The following AIG1 variants were observed in gnomAD, a reference collection of about 807,000 sequenced individuals.
The protein encoded by AIG1 is androgen induced 1.
In AIG1, 23 loss-of-function variants were observed where a neutral mutation model predicts 31.4. The observed-to-expected ratio is 0.73, with a 90% CI of 0.53 to 1.04. AIG1 has a LOEUF of 1.04. Ranked by LOEUF, AIG1 falls within the 50% of genes least tolerant of loss-of-function variation. The pLI, the probability that AIG1 is intolerant of heterozygous loss-of-function variation, is 0.00. For missense variants in AIG1, 274 were observed against 295.0 expected, an observed-to-expected ratio of 0.93 and a Z score of 0.52; for synonymous variants, 100 against 110.5, an observed-to-expected ratio of 0.90 and a Z score of 0.60.
At chr6:143,091,208 C>T (rs770314976) in intron 1 of AIG1, among the ~76,000 whole-genome samples, 1 of 152,192 alleles carries the variant, frequency 6.6e-6, no homozygotes, top group Non-Finnish European at 1.5e-5. Flanking sequence ...TTAACTTTCT[C>T]CTCTGATGTC....
intron 1 of AIG1, among the ~76,000 whole-genome samples, chr6:143,127,414 C>T (rs576827024): frequency 6.6e-5 from 10 of 152,282 alleles, no homozygotes; most frequent in African/African-American, 2.2e-4. Context: ...CAAGACAAAT[C>T]TATGGTGTTC....
intron 4 of AIG1, among the ~76,000 whole-genome samples, chr6:143,311,164 C>T (rs1207778339): frequency 2.0e-5 from 3 of 151,798 alleles, no homozygotes; most frequent in Non-Finnish European, 3.0e-5. Context: ...CTTACAGACA[C>T]GTATCTCTCA....
chr6:143,230,032 A>C (rs959555854), intron 3 of AIG1, among the ~76,000 whole-genome samples: 4 of 152,160 alleles, frequency 2.6e-5, no homozygotes, highest in Non-Finnish European at 4.4e-5. Flanking sequence ...CTAATATCTC[A>C]TCTTCTTTCC....
At chr6:143,199,363 A>T (rs1360099733) in intron 3 of AIG1, among the ~76,000 whole-genome samples, 2 of 151,944 alleles carry the variant, frequency 1.3e-5, no homozygotes, top group African/African-American at 2.4e-5. Flanking sequence ...CAAGCAAAAG[A>T]TGGGGGGGTG....
At chr6:143,310,253 T>A (rs1214282762) in intron 4 of AIG1, among the ~76,000 whole-genome samples, 1 of 151,874 alleles carries the variant, frequency 6.6e-6, no homozygotes, top group Non-Finnish European at 1.5e-5. Flanking sequence ...CAATAAAACA[T>A]ATCTTAACAG....
At chr6:143,077,420 A>G (rs907874058) in intron 1 of AIG1, among the ~76,000 whole-genome samples, 8 of 152,170 alleles carry the variant, frequency 5.3e-5, no homozygotes, top group Non-Finnish European at 1.2e-4. Context: ...TTCATTGAGT[A>G]TGCTTTGTTT....
At chr6:143,158,915 T>C (rs1262317063) in intron 2 of AIG1, among the ~76,000 whole-genome samples, 1 of 152,234 alleles carries the variant, frequency 6.6e-6, no homozygotes, top group African/African-American at 2.4e-5. Context: ...TGCCAGGCAG[T>C]GGGGAACCAG....
chr6:143,170,309 T>C (rs1372307195), intron 3 of AIG1, among the ~76,000 whole-genome samples: 1 of 152,132 alleles, frequency 6.6e-6, no homozygotes, highest in Non-Finnish European at 1.5e-5. Context: ...CCTGGCTCAA[T>C]GTTGATAGGT....
At chr6:143,310,289 A>C (rs1169842300) in intron 4 of AIG1, among the ~76,000 whole-genome samples, 1 of 152,092 alleles carries the variant, frequency 6.6e-6, no homozygotes, top group South Asian at 2.1e-4. Context: ...AATCATACCA[A>C]GTATGTTCAC....
intron 3 of AIG1, among the ~76,000 whole-genome samples, chr6:143,246,506 G>A (rs1196252970): frequency 6.6e-6 from 1 of 152,120 alleles, no homozygotes; most frequent in Non-Finnish European, 1.5e-5. Context: ...ACCTCCCACT[G>A]GGTCCCTCCC....
chr6:143,152,314 A>G (rs1299743511), intron 2 of AIG1, among the ~76,000 whole-genome samples: 2 of 152,232 alleles, frequency 1.3e-5, no homozygotes, highest in Non-Finnish European at 2.9e-5. Flanking sequence ...CTGTGTACTT[A>G]TAGCTACCCT....
chr6:143,208,785 ACTTTC>A (rs904954082), intron 3 of AIG1, among the ~76,000 whole-genome samples: 14 of 152,232 alleles, frequency 9.2e-5, no homozygotes, highest in African/African-American at 3.4e-4. Context: ...TCTAAAATTC[ACTTTC>A]CTTATCTGGA....
At chr6:143,260,836 A>T (rs775893684) in intron 3 of AIG1, among the ~76,000 whole-genome samples, 25 of 152,158 alleles carry the variant, frequency 1.6e-4, no homozygotes, top group Admixed American at 1.6e-3. Context: ...TGGGCTTCCC[A>T]TCCCACAACT....
chr6:143,318,235 C>A lies in AIG1; in HGVS notation c.516-15047C>A, dbSNP rs550857331. On this transcript the variant is annotated intron_variant, in intron 4 of 5. Coordinates refer to ENST00000357847, the MANE Select transcript of AIG1 (RefSeq NM_016108.4). The stretch of plus-strand genomic sequence containing the variant: ...TCACATTACCAGACTTCAAACTATA[C>A]TGTAAGGCCATAGTCACCAAAACGG... Among the ~76,000 whole-genome samples the A allele has an allele frequency of 1.5e-4, 23 of 152,272 alleles. No homozygotes were observed. The East Asian group carries it at 4.4e-3, about 29-fold the overall frequency.
At chr6:143,227,837 C>T (rs1793126313) in intron 3 of AIG1, among the ~76,000 whole-genome samples, 1 of 152,144 alleles carries the variant, frequency 6.6e-6, no homozygotes, top group Non-Finnish European at 1.5e-5. Context: ...AAGGACCGAG[C>T]TGCAGGAAGA....
At chr6:143,267,983 AT>A (rs1324805697) in intron 3 of AIG1, among the ~76,000 whole-genome samples, 2 of 152,230 alleles carry the variant, frequency 1.3e-5, no homozygotes, top group Admixed American at 1.3e-4. Context: ...GCAGAGGCTG[AT>A]GAAAATGTCA....
In AIG1 at chr6:143,284,327, T is replaced by A. The variant is rs1797548295; in HGVS notation, c.515+102T>A. Reference sequence around the variant, plus strand: ...GATATAATCACTAACAGATTCACGCTGTGTGCCGCATTTGGTCCAAGACCT... The same window carrying A: ...GATATAATCACTAACAGATTCACGCAGTGTGCCGCATTTGGTCCAAGACCT... On this transcript the variant is annotated intron_variant, in intron 4 of 5. Coordinates refer to ENST00000357847, the MANE Select transcript of AIG1 (RefSeq NM_016108.4). This position sits in a 1 kb window ranked among gnomAD's most constrained non-coding sequence, Gnocchi z 4.4. 1 of 844,404 alleles carries A rather than the reference T, an allele frequency of 1.2e-6. No homozygotes were observed. The highest frequency in any genetic ancestry group is 2.3e-5 in the Admixed American group (1 of 44,392). The allele number at this position is 844,404 out of a possible 1,614,324, so 52.3% of individuals were successfully genotyped here. A position where few individuals can be genotyped will look rare whatever the true frequency, so the allele number is the denominator to read the frequency against.
rs550732786 is a variant in AIG1 at position 143,087,350 on chromosome 6, T to G, written c.141+26284T>G. Among the ~76,000 whole-genome samples the G allele has an allele frequency of 1.3e-5, 2 of 152,312 alleles. 1 individual carries two copies. The highest frequency in any genetic ancestry group is 4.1e-4 in the South Asian group (2 of 4,826). ...GAACCTTGGGCCATGTGGTGACTGT[T>G]GTAGCTCTATTAGAAGCTGTGGGTC... On this transcript the variant is annotated intron_variant, in intron 1 of 5. Coordinates refer to ENST00000357847, the MANE Select transcript of AIG1 (RefSeq NM_016108.4).
intron 1 of AIG1, among the ~76,000 whole-genome samples, chr6:143,122,634 G>T (rs1782335694): frequency 1.3e-5 from 2 of 151,972 alleles, no homozygotes; most frequent in East Asian, 3.9e-4. Flanking sequence ...CTATTTTCTT[G>T]CCCTACAATT....
Sources: gnomAD v4.1 joint callset for allele counts (sites outside exome capture counted in the v4.1 genomes callset) on GRCh38, gnomAD v4.1.1 for gene constraint, Gnocchi (gnomAD v3.1) non-coding constraint, MANE v1.5 for transcripts, NCBI Gene and HGNC (gene_info 2026-07-23, HGNC 2026-07-21) for gene names.